Variants in CDH13 observed in about 807,000 individuals in gnomAD.
The protein encoded by CDH13 is cadherin 13, also known as cadherin-13.
CDH13 carries 24 observed loss-of-function variants against 63.8 expected under a neutral mutation model. The ratio of observed to expected loss-of-function variants is 0.38; its 90% confidence interval spans 0.27 to 0.53. CDH13 has a LOEUF of 0.53. CDH13 is among the 20% of genes least tolerant of loss of function. CDH13 has a pLI of 0.85. For missense variants in CDH13, 1,049 were observed against 903.1 expected (o/e 1.16, Z -2.07); for synonymous variants, 503 against 355.3 (o/e 1.42, Z -4.67).
At position 83,452,798 on chromosome 16, in the gene CDH13, G is replaced by A. The variant is rs139625228; in HGVS notation, c.782-33679G>A. 4.9e-3 allele frequency among the ~76,000 whole-genome samples: 750 copies of A among 152,260 alleles called. 9 individuals are homozygous for A. The highest frequency in any genetic ancestry group is 0.016 in the African/African-American group (666 of 41,540). ...TTGTGATGTCTAGAGAAGTATTCGT[G>A]GATGAAGTGATACTGGAGGTGGGTT... On this transcript the variant is annotated intron_variant, in intron 6 of 13. Coordinates refer to ENST00000567109, the MANE Select transcript of CDH13 (RefSeq NM_001257.5).
At chr16:83,792,414 A>C (rs1452218294) in intron 13 of CDH13, among the ~76,000 whole-genome samples, 1 of 152,250 alleles carries the variant, frequency 6.6e-6, no homozygotes, top group Non-Finnish European at 1.5e-5. Flanking sequence ...TAATTTGAAA[A>C]CAAGAGATTG....
At chr16:83,052,321 A>G (rs1405211147) in intron 3 of CDH13, among the ~76,000 whole-genome samples, 2 of 152,228 alleles carry the variant, frequency 1.3e-5, no homozygotes, top group East Asian at 3.8e-4. Flanking sequence ...ACACCATCCT[A>G]TAGAAATAAG....
At chr16:83,451,057 A>G (rs2072874135) in intron 6 of CDH13, among the ~76,000 whole-genome samples, 1 of 152,178 alleles carries the variant, frequency 6.6e-6, no homozygotes, top group Non-Finnish European at 1.5e-5. Flanking sequence ...GCCCCCAGTG[A>G]TGCTGCTGGT....
intron 2 of CDH13, among the ~76,000 whole-genome samples, chr16:82,903,124 A>G (rs1004352702): frequency 6.6e-6 from 1 of 152,274 alleles, no homozygotes. Flanking sequence ...ATGAGCAGTA[A>G]GTGGTGAAAC....
chr16:82,835,631 C>T (rs2038735420), intron 1 of CDH13, among the ~76,000 whole-genome samples: 1 of 152,106 alleles, frequency 6.6e-6, no homozygotes, highest in Admixed American at 6.5e-5. Flanking sequence ...TCCTATGCTC[C>T]CAGCTTATGA....
At chr16:83,417,239 C>A (rs527834371) in intron 6 of CDH13, among the ~76,000 whole-genome samples, 1 of 152,258 alleles carries the variant, frequency 6.6e-6, no homozygotes, top group East Asian at 1.9e-4. Context: ...CCTGGGCTTC[C>A]CTGCTCAATT....
chr16:82,993,845 C>A (rs1271160656), intron 2 of CDH13, among the ~76,000 whole-genome samples: 1 of 152,144 alleles, frequency 6.6e-6, no homozygotes, highest in Non-Finnish European at 1.5e-5. Flanking sequence ...CAGGTGGAAT[C>A]TCTTAACTGC....
chr16:83,011,979 A>G (rs1269493119), intron 2 of CDH13, among the ~76,000 whole-genome samples: 7 of 151,846 alleles, frequency 4.6e-5, no homozygotes, highest in South Asian at 2.1e-4. Context: ...TTTATTTCTC[A>G]CCCACTCTTT....
chr16:82,763,413 C>G (rs560967329), intron 1 of CDH13, among the ~76,000 whole-genome samples: 2 of 152,294 alleles, frequency 1.3e-5, no homozygotes, highest in African/African-American at 2.4e-5. Context: ...GTCTTGGTCT[C>G]TGTTTAATTC....
intron 1 of CDH13, among the ~76,000 whole-genome samples, chr16:82,855,323 A>C (rs921784715): frequency 6.6e-6 from 1 of 152,196 alleles, no homozygotes; most frequent in African/African-American, 2.4e-5. Flanking sequence ...TCTCATCACT[A>C]ACTGTGGTTT....
At chr16:83,341,806 C>T (rs184887435) in intron 5 of CDH13, among the ~76,000 whole-genome samples, 2 of 152,168 alleles carry the variant, frequency 1.3e-5, no homozygotes, top group East Asian at 1.9e-4. Context: ...AAATTAGTTC[C>T]AATTAGTTCC....
chr16:83,741,892 G>C (rs404165), intron 10 of CDH13, among the ~76,000 whole-genome samples: 98,170 of 151,980 alleles, frequency 0.65, 32,149 homozygotes, highest in Middle Eastern at 0.71. Context: ...AAGGGATCTA[G>C]GCGGCACACT....
chr16:83,099,666 C>G (rs1341579303), intron 3 of CDH13, among the ~76,000 whole-genome samples: 2 of 123,384 alleles, frequency 1.6e-5, no homozygotes, highest in Admixed American at 9.0e-5. Context: ...GCCCATGATT[C>G]CACTCTTTCA....
intron 1 of CDH13, among the ~76,000 whole-genome samples, chr16:82,692,560 CTT>C (rs1486621810): frequency 1.3e-5 from 2 of 152,172 alleles, no homozygotes; most frequent in African/African-American, 4.8e-5. Flanking sequence ...TTACCTCTCT[CTT>C]GTTCCTTCCA....
At position 82,860,391 on chromosome 16, in the gene CDH13, G is replaced by GGC. The variant is rs1555531225; in HGVS notation, c.157+1919_157+1920insCG. On this transcript the variant is annotated intron_variant, in intron 2 of 13. Transcript: ENST00000567109. Reference sequence around the variant, plus strand: ...ATCACAGTTGTGTGTGTGTGTGTGGGGGGGGGGGCGGCGGTGTGCGTGTGT... The same window carrying GGC: ...ATCACAGTTGTGTGTGTGTGTGTGGGGCGGGGGGGGCGGCGGTGTGCGTGTGT... Among the ~76,000 whole-genome samples the GGC allele has an allele frequency of 1.0e-3, 88 of 85,956 alleles. 6 individuals are homozygous for GGC. Among genetic ancestry groups the GGC allele is most frequent in the Admixed American group, 1.6e-3 (13 of 8,128 alleles). The allele number at this position is 85,956 out of a possible 152,430, so 56.4% of individuals were successfully genotyped here.
intron 1 of CDH13, among the ~76,000 whole-genome samples, chr16:82,831,440 T>A (rs2038536445): frequency 6.6e-6 from 1 of 152,118 alleles, no homozygotes; most frequent in African/African-American, 2.4e-5. Flanking sequence ...TCCTGGGAAA[T>A]GGCATAACTA....
intron 10 of CDH13, among the ~76,000 whole-genome samples, chr16:83,715,888 G>A (rs1908825174): frequency 6.6e-6 from 1 of 152,092 alleles, no homozygotes; most frequent in African/African-American, 2.4e-5. Context: ...CTTCCTGGGT[G>A]GGGAAAAAAA....
At chr16:83,772,427 C>G (rs1373582239) in intron 11 of CDH13, among the ~76,000 whole-genome samples, 1 of 152,186 alleles carries the variant, frequency 6.6e-6, no homozygotes, top group East Asian at 1.9e-4. Flanking sequence ...CCCAGAAACA[C>G]GATAAATTAG....
chr16:82,866,695 C>A (rs918061471), intron 2 of CDH13, among the ~76,000 whole-genome samples: 1 of 152,108 alleles, frequency 6.6e-6, no homozygotes, highest in African/African-American at 2.4e-5. Flanking sequence ...ACTCACAGTT[C>A]AGCATGCCTG....
Sources: allele counts gnomAD v4.1 joint callset (sites outside exome capture counted in the v4.1 genomes callset), GRCh38; gene constraint gnomAD v4.1.1; transcripts MANE v1.5; gene names NCBI Gene and HGNC (gene_info 2026-07-23, HGNC 2026-07-21).